The following MAST4 variants were observed in gnomAD, a reference collection of about 807,000 sequenced individuals.
The protein encoded by MAST4 is microtubule associated serine/threonine kinase family member 4.
A neutral mutation model predicts 162.7 loss-of-function variants in MAST4; 89 were observed. The ratio of observed to expected loss-of-function variants is 0.55; its 90% CI spans 0.46 to 0.65. The LOEUF is 0.65. MAST4 is among the 30% of genes least tolerant of loss of function. MAST4 has a pLI of 0.00. For synonymous variants in MAST4, 1,479 were observed against 1,361.1 expected (o/e 1.09, Z -1.91); for missense variants, 3,153 against 3,374.0 (o/e 0.93, Z 1.62).
intron 2 of MAST4, among the ~76,000 whole-genome samples, chr5:66,770,731 G>GT (rs949890655): frequency 2.6e-5 from 4 of 152,180 alleles, no homozygotes; most frequent in Non-Finnish European, 5.9e-5. Context: ...GCTTTGATGT[G>GT]TACCTGAGCC....
At chr5:66,843,381 A>G (rs973619506) in intron 3 of MAST4, among the ~76,000 whole-genome samples, 1 of 152,176 alleles carries the variant, frequency 6.6e-6, no homozygotes, top group African/African-American at 2.4e-5. Flanking sequence ...CTGTCATTTG[A>G]TCTACAAGTT....
At chr5:66,971,933 A>G (rs1747485784) in intron 4 of MAST4, among the ~76,000 whole-genome samples, 1 of 152,154 alleles carries the variant, frequency 6.6e-6, no homozygotes, top group African/African-American at 2.4e-5. Context: ...TTTCTTGGAG[A>G]GCATAAGATG....
rs377194806 is a variant in MAST4, at chr5:67,166,078, A to G, written c.6899A>G (p.Lys2300Arg). The G allele has an allele frequency of 1.1e-5, 18 of 1,613,440 alleles. No homozygotes were observed. Among genetic ancestry groups the G allele is most frequent in the Admixed American group, 3.3e-5 (2 of 59,946 alleles). ...SGGRPLEVLE[K>R]PVHLPRPGHP... Reference sequence around the variant, plus strand: ...GGGCGGCCCCTGGAGGTGCTGGAGAAGCCTGTGCATTTGCCAAGGCCGGGA... The same window carrying G: ...GGGCGGCCCCTGGAGGTGCTGGAGAGGCCTGTGCATTTGCCAAGGCCGGGA... Residue 2300 changes from lysine to arginine, a missense_variant, in exon 29 of 29, where the codon AAG (lysine) becomes AGG (arginine). Lys to Arg is a conservative substitution (Grantham distance 26). Transcript: ENST00000403625.
intron 1 of MAST4, among the ~76,000 whole-genome samples, chr5:66,605,131 T>C (rs1742799605): frequency 6.6e-6 from 1 of 152,198 alleles, no homozygotes; most frequent in African/African-American, 2.4e-5. Context: ...CTCACAAAAT[T>C]TGCTTTTTAC....
intron 1 of MAST4, among the ~76,000 whole-genome samples, chr5:66,669,602 T>C (rs906382889): frequency 6.6e-6 from 1 of 152,136 alleles, no homozygotes; most frequent in African/African-American, 2.4e-5. Flanking sequence ...GCTGCCTGGC[T>C]TTGGGCTGGG....
chr5:67,104,957 A>T (rs544474546), intron 10 of MAST4, among the ~76,000 whole-genome samples: 1 of 152,312 alleles, frequency 6.6e-6, no homozygotes, highest in African/African-American at 2.4e-5. Flanking sequence ...CTAAATGGAA[A>T]ATTGCTGGCT....
chr5:66,692,394 C>T (rs1749100487), intron 1 of MAST4, among the ~76,000 whole-genome samples: 1 of 146,060 alleles, frequency 6.8e-6, no homozygotes, highest in Admixed American at 7.0e-5. Flanking sequence ...TTTGATGAGT[C>T]TCTCCTCTCT....
chr5:67,040,129 G>A (rs73768172), intron 4 of MAST4, among the ~76,000 whole-genome samples: 1,688 of 152,228 alleles, frequency 0.011, 26 homozygotes, highest in African/African-American at 0.038. Flanking sequence ...ATACAAGGAT[G>A]CTTCATATCA....
intron 3 of MAST4, among the ~76,000 whole-genome samples, chr5:66,794,892 T>G (rs1296615687): frequency 8.5e-5 from 13 of 152,224 alleles, no homozygotes; most frequent in African/African-American, 2.4e-4. Flanking sequence ...AGAGCCTTGA[T>G]GAATATTCAT....
chr5:67,066,429 T>TTA (rs912730001), intron 5 of MAST4, among the ~76,000 whole-genome samples: 2 of 151,062 alleles, frequency 1.3e-5, no homozygotes, highest in African/African-American at 4.8e-5. Flanking sequence ...TAAATATGAT[T>TTA]TATATATATA....
chr5:66,686,959 T>C (rs369310243), intron 1 of MAST4, among the ~76,000 whole-genome samples: 3 of 152,360 alleles, frequency 2.0e-5, no homozygotes, highest in East Asian at 3.9e-4. Context: ...TTTCAACTTT[T>C]GTCATTTGTA....
At chr5:66,649,072 G>A (rs1746047799) in intron 1 of MAST4, among the ~76,000 whole-genome samples, 1 of 152,152 alleles carries the variant, frequency 6.6e-6, no homozygotes, top group Non-Finnish European at 1.5e-5. Flanking sequence ...CCAAATGCCT[G>A]TGTTCTCTCC....
chr5:67,112,367 G>A (rs1469245958), intron 11 of MAST4, among the ~76,000 whole-genome samples: 2 of 152,132 alleles, frequency 1.3e-5, no homozygotes, highest in East Asian at 3.9e-4. Flanking sequence ...CACCAGCTGG[G>A]TGTCCTCCAA....
At position 66,788,566 on chromosome 5, in the gene MAST4, A is replaced by G. The variant is rs1316777879; in HGVS notation, c.518-104A>G. ...TTACTGGGTATGGCAGAAGTAATACAGAACAAGGTTGGCCAGGAAGAGACA... is the reference window on the plus strand; with the variant it reads ...TTACTGGGTATGGCAGAAGTAATACGGAACAAGGTTGGCCAGGAAGAGACA... On this transcript the variant is annotated intron_variant, in intron 2 of 28. Transcript: ENST00000403625. 3.7e-6 allele frequency: 5 copies of G among 1,357,802 alleles called. No homozygotes were observed. In the African/African-American group the frequency reaches 4.4e-5, roughly 12 times the overall value. The allele number at this position is 1,357,802 out of a possible 1,614,324, so 84.1% of individuals were successfully genotyped here. A position where few individuals can be genotyped will look rare whatever the true frequency, so the allele number is the denominator to read the frequency against.
chr5:67,044,683 T>A (rs941697677), intron 4 of MAST4, among the ~76,000 whole-genome samples: 4 of 152,290 alleles, frequency 2.6e-5, no homozygotes, highest in East Asian at 3.9e-4. Context: ...TAGCTATTTT[T>A]AAAAATATTT....
At chr5:66,620,090 A>G (rs1743979176) in intron 1 of MAST4, among the ~76,000 whole-genome samples, 1 of 146,402 alleles carries the variant, frequency 6.8e-6, no homozygotes. Context: ...AAGGGATAGT[A>G]CTTAAAAATA....
intron 4 of MAST4, among the ~76,000 whole-genome samples, chr5:67,023,607 T>C (rs1008876159): frequency 9.2e-5 from 14 of 152,168 alleles, no homozygotes; most frequent in Non-Finnish European, 1.5e-5. Context: ...ATCTTCATTA[T>C]GTGGATCGGA....
At chr5:66,900,005 CT>C in intron 4 of MAST4, 23 bp downstream of exon 4, 1 of 1,474,604 alleles carries the variant, frequency 6.8e-7, no homozygotes, top group African/African-American at 1.4e-5. Flanking sequence ...ATTTTGTTTC[CT>C]TGTTTTCTTT....
intron 1 of MAST4, among the ~76,000 whole-genome samples, chr5:66,746,647 G>A (rs1007325114): frequency 1.3e-5 from 2 of 152,152 alleles, no homozygotes; most frequent in African/African-American, 4.8e-5. Context: ...TTCTCTTCCT[G>A]CTTGTTAAGC....
Sources: gnomAD v4.1 joint callset for allele counts (sites outside exome capture counted in the v4.1 genomes callset) on GRCh38, gnomAD v4.1.1 for gene constraint, MANE v1.5 for transcripts, NCBI Gene and HGNC (gene_info 2026-07-23, HGNC 2026-07-21) for gene names.